Variants in CDH4 observed in about 807,000 individuals in gnomAD.
CDH4 encodes cadherin 4.
A neutral mutation model predicts 86.0 loss-of-function variants in CDH4; 33 were observed. The ratio of observed to expected loss-of-function variants is 0.38; its 90% CI spans 0.29 to 0.51. The LOEUF (loss-of-function observed/expected upper bound fraction) is 0.51. Among genes scored for constraint, CDH4 ranks in the 20% least tolerant of loss-of-function variants. CDH4 has a pLI of 0.86. For missense variants in CDH4, 1,114 were observed against 1,307.4 expected (o/e 0.85, Z 2.28); for synonymous variants, 555 against 549.4 (o/e 1.01, Z -0.14).
At chr20:61,645,580 T>A (rs996794577) in intron 2 of CDH4, among the ~76,000 whole-genome samples, 13 of 151,184 alleles carry the variant, frequency 8.6e-5, no homozygotes, top group African/African-American at 3.2e-4. Flanking sequence ...CAGTGAGCTA[T>A]GGTCACACCA....
rs555865171 is a variant in CDH4 at position 61,513,532 on chromosome 20, G to T, written c.170-230031G>T. Among the ~76,000 whole-genome samples the T allele has an allele frequency of 2.0e-5, 3 of 152,326 alleles. No homozygotes were observed. In the South Asian group the frequency reaches 6.2e-4, roughly 32 times the overall value. On this transcript the variant is annotated intron_variant, in intron 2 of 15. Transcript: ENST00000614565. The stretch of plus-strand genomic sequence containing the variant: ...AAGGCACCAGGCCGCCATGGCGCAC[G>T]GCTGTGAAGGAGGAAGCCGGGCCCA...
intron 4 of CDH4, among the ~76,000 whole-genome samples, chr20:61,815,445 C>T (rs1449476535): frequency 6.6e-6 from 1 of 152,224 alleles, no homozygotes; most frequent in Non-Finnish European, 1.5e-5. Context: ...CTAGAACAAT[C>T]AGAGCTCTTC....
chr20:61,887,073 C>A (rs979268888), intron 7 of CDH4, among the ~76,000 whole-genome samples: 1 of 152,194 alleles, frequency 6.6e-6, no homozygotes, highest in Non-Finnish European at 1.5e-5. Flanking sequence ...CTCCCATGAC[C>A]GCCTCATGAG....
rs114265249 is a variant in CDH4, at chr20:61,296,965, G to A, written c.169+42028G>A. ...CTTCCTGGAGCTGCTGGCTCTGAGC[G>A]ACAGAACTGGGAGCTGAATTAAGTG... On this transcript the variant is annotated intron_variant, in intron 2 of 15. Transcript: ENST00000614565. Among the ~76,000 whole-genome samples, 984 of 152,294 alleles carry A rather than the reference G, an allele frequency of 6.5e-3. 15 individuals are homozygous for A. Among genetic ancestry groups the A allele is most frequent in the African/African-American group, 0.022 (933 of 41,552 alleles).
At chr20:61,895,703 C>T (rs1351767525) in intron 8 of CDH4, among the ~76,000 whole-genome samples, 1 of 152,224 alleles carries the variant, frequency 6.6e-6, no homozygotes, top group African/African-American at 2.4e-5. Flanking sequence ...TCTGCAGAGG[C>T]CACTGCGCCG....
At chr20:61,401,986 AC>A (rs2085052149) in intron 2 of CDH4, among the ~76,000 whole-genome samples, 1 of 152,246 alleles carries the variant, frequency 6.6e-6, no homozygotes, top group Non-Finnish European at 1.5e-5. Flanking sequence ...CAGGTGTATC[AC>A]GGAGGCCAGC....
rs540343410 is a variant in CDH4, at chr20:61,289,437, C to T, written c.169+34500C>T. ...CTGTTTCTGAAACTCTCTGCCTGCT[C>T]GTGCCACCAGCGCATGCCAACAGTA... On this transcript the variant is annotated intron_variant, in intron 2 of 15. Transcript: ENST00000614565. 3.9e-5 allele frequency among the ~76,000 whole-genome samples: 6 copies of T among 152,342 alleles called. No homozygotes were observed. In the East Asian group the frequency reaches 9.6e-4, roughly 24 times the overall value.
intron 7 of CDH4, 74 bp from the exon 8 acceptor site, chr20:61,894,836 C>A: frequency 2.0e-6 from 3 of 1,500,826 alleles, no homozygotes; most frequent in Non-Finnish European, 2.7e-6. Flanking sequence ...AAACGGATTT[C>A]TTTTGATAAG....
At position 61,670,090 on chromosome 20, in the gene CDH4, T is replaced by C. The variant is rs560670814; in HGVS notation, c.170-73473T>C. On this transcript the variant is annotated intron_variant, in intron 2 of 15. Transcript: ENST00000614565. ...AGGAGGCAGATGCTGGCCAGGGCAT[T>C]TCCAATTGCAGGCAATAAAACCATA... Among the ~76,000 whole-genome samples the C allele has an allele frequency of 1.2e-4, 19 of 152,274 alleles. No individual in the cohort carries two copies. In the East Asian group the frequency reaches 3.3e-3, roughly 26 times the overall value.
intron 2 of CDH4, among the ~76,000 whole-genome samples, chr20:61,571,541 G>C (rs375264305): frequency 1.3e-5 from 2 of 152,180 alleles, no homozygotes; most frequent in East Asian, 3.9e-4. Flanking sequence ...CCACCTGTGA[G>C]GGACCAGTAC....
intron 2 of CDH4, among the ~76,000 whole-genome samples, chr20:61,319,411 G>A (rs193131523): frequency 1.9e-3 from 282 of 152,200 alleles, no homozygotes; most frequent in African/African-American, 6.2e-3. Context: ...TGCATCACAT[G>A]TGCAGCCTCA....
At chr20:61,678,407 A>G (rs552754617) in intron 2 of CDH4, among the ~76,000 whole-genome samples, 1 of 152,196 alleles carries the variant, frequency 6.6e-6, no homozygotes. Context: ...GTAACTGGGT[A>G]ATTGGTTCAG....
chr20:61,357,840 C>G (rs940369987), intron 2 of CDH4, among the ~76,000 whole-genome samples: 2 of 152,214 alleles, frequency 1.3e-5, no homozygotes, highest in African/African-American at 4.8e-5. Context: ...GATCTCTGGC[C>G]TTGACTCTAT....
chr20:61,358,364 C>T (rs745407669), intron 2 of CDH4, among the ~76,000 whole-genome samples: 3 of 152,222 alleles, frequency 2.0e-5, no homozygotes, highest in Non-Finnish European at 4.4e-5. Context: ...TGCCCGCAGG[C>T]CTGACACTGA....
chr20:61,409,690 G>A (rs6061352), intron 2 of CDH4, among the ~76,000 whole-genome samples: 125 of 152,290 alleles, frequency 8.2e-4, no homozygotes, highest in African/African-American at 2.7e-3. Context: ...CAGAGATACC[G>A]GCAACTTTTC....
intron 2 of CDH4, among the ~76,000 whole-genome samples, chr20:61,642,809 A>T (rs1478334085): frequency 2.0e-5 from 3 of 152,116 alleles, no homozygotes; most frequent in Non-Finnish European, 4.4e-5. Flanking sequence ...TGCATTCCTC[A>T]GCTCGTAGCT....
intron 2 of CDH4, among the ~76,000 whole-genome samples, chr20:61,632,002 G>C (rs144641423): frequency 1.3e-5 from 2 of 152,254 alleles, no homozygotes; most frequent in South Asian, 2.1e-4. Context: ...CCAGTGCATC[G>C]TGAAGGCTGC....
At chr20:61,797,231 G>T (rs1248843558) in intron 4 of CDH4, among the ~76,000 whole-genome samples, 4 of 151,912 alleles carry the variant, frequency 2.6e-5, no homozygotes, top group Admixed American at 6.6e-5. Flanking sequence ...CATCCATTCC[G>T]CAGGGTGGGG....
At chr20:61,729,168 G>A (rs879328953) in intron 2 of CDH4, among the ~76,000 whole-genome samples, 9 of 152,294 alleles carry the variant, frequency 5.9e-5, no homozygotes, top group South Asian at 4.2e-4. Context: ...AGGAGTCCTC[G>A]GTGCATGGCG....
Sources: gnomAD v4.1 joint callset for allele counts (sites outside exome capture counted in the v4.1 genomes callset) on GRCh38, gnomAD v4.1.1 for gene constraint, MANE v1.5 for transcripts, NCBI Gene and HGNC (gene_info 2026-07-23, HGNC 2026-07-21) for gene names.